ZNF547: variants seen among roughly 807,000 people sequenced by gnomAD.
ZNF547 encodes zinc finger protein 547.
In ZNF547, 4 loss-of-function variants were observed where a neutral mutation model predicts 7.7. The observed-to-expected ratio is 0.52, with a 90% CI of 0.26 to 1.20. ZNF547 has a LOEUF of 1.20. Ranked by LOEUF, ZNF547 falls within the 50% of genes most tolerant of loss-of-function variation. The pLI is 0.14. For missense variants in ZNF547, 449 were observed against 485.8 expected (o/e 0.92, Z 0.71); for synonymous variants, 166 against 166.2 (o/e 1.00, Z 0.01).
chr19:57,365,097 C>T (rs1208835127), intron 1 of ZNF547: 2 of 1,609,500 alleles, frequency 1.2e-6, no homozygotes, highest in African/African-American at 1.3e-5. Context: ...TGCTTCATGA[C>T]ATAAGACAAG....
At position 57,367,057 on chromosome 19, in the gene ZNF547, T is replaced by G. The variant is rs998500129; in HGVS notation, c.-12-1487T>G. 1.1e-4 allele frequency among the ~76,000 whole-genome samples: 17 copies of G among 152,202 alleles called. 1 individual carries two copies. Among genetic ancestry groups the G allele is most frequent in the Non-Finnish European group, 4.4e-5 (3 of 68,038 alleles). ...TGTTGCTTCTGTCACTTTATATTCT[T>G]ATATTTCCTTTCCCTCAGACAATCA... is the stretch of plus-strand genomic sequence containing the variant. On this transcript the variant is annotated intron_variant, in intron 1 of 3. Transcript: ENST00000282282.
chr19:57,376,732 G>T (rs1032077084), intron 3 of ZNF547, among the ~76,000 whole-genome samples: 1 of 152,094 alleles, frequency 6.6e-6, no homozygotes, highest in African/African-American at 2.4e-5. Flanking sequence ...AAACTTATTC[G>T]TGGAGGCCTG....
In ZNF547 at chr19:57,371,801, A is replaced by G. The variant is rs2088506174; in HGVS notation, c.44A>G (p.Asp15Gly). 1 of 1,612,768 alleles carries G rather than the reference A, an allele frequency of 6.2e-7. No homozygotes were observed. Among genetic ancestry groups the G allele is most frequent in the Admixed American group, 1.7e-5 (1 of 59,524 alleles). Reference sequence around the variant, plus strand: ...TGGCAGGGTCATGTGGTTTTTGAAGACGTGGCCATATATTTCTCCCAGGAG... The same window carrying G: ...TGGCAGGGTCATGTGGTTTTTGAAGGCGTGGCCATATATTTCTCCCAGGAG... ...NPAQGHVVFE[D>G]VAIYFSQEEW... is the part of the protein sequence containing the mutation. Residue 15 changes from aspartate to glycine, a missense_variant, in exon 3 of 4, where the codon GAC becomes GGC. Asp to Gly is a moderately conservative substitution (Grantham distance 94). Transcript: ENST00000282282.
intron 3 of ZNF547, among the ~76,000 whole-genome samples, chr19:57,376,245 G>A (rs1313095159): frequency 6.6e-6 from 1 of 152,106 alleles, no homozygotes; most frequent in East Asian, 1.9e-4. Context: ...CCATGATTCG[G>A]TTACCTTCAC....
At chr19:57,365,013 C>G (rs945296192) in intron 1 of ZNF547, 3 of 1,612,468 alleles carry the variant, frequency 1.9e-6, no homozygotes, top group Non-Finnish European at 2.5e-6. Flanking sequence ...ACAACATGTA[C>G]TTGAAAACTG....
intron 1 of ZNF547, among the ~76,000 whole-genome samples, chr19:57,367,208 T>C (rs1324336916): frequency 6.6e-6 from 1 of 152,196 alleles, no homozygotes; most frequent in Non-Finnish European, 1.5e-5. Flanking sequence ...GGGCTGGGAA[T>C]TGTCTGTTTG....
chr19:57,364,846 T>A, intron 1 of ZNF547: 1 of 1,608,212 alleles, frequency 6.2e-7, no homozygotes. Flanking sequence ...GTCTGGAAGC[T>A]TCTACTTTGT....
At chr19:57,368,403 AG>A (rs1338091417) in intron 1 of ZNF547, 140 bp from the exon 2 acceptor site, 1 of 685,340 alleles carries the variant, frequency 1.5e-6, no homozygotes, top group Non-Finnish European at 2.6e-6. Flanking sequence ...AAGAGCCAAC[AG>A]TGAAGTCGGA....
Position 57,377,196 on chromosome 19 carries a change from G to T in ZNF547, c.220G>T (p.Val74Phe). The change falls in exon 4 of 4, where the codon GTC (valine) becomes TTC (phenylalanine). Residue 74 changes from valine to phenylalanine, a missense_variant. By Grantham distance (50) the Val-to-Phe change is conservative. Coordinates refer to ENST00000282282, the MANE Select transcript of ZNF547 (RefSeq NM_173631.4). ...AGGTGTTTCTGTAGGAGTGTCACAG[G>T]TCATGGCTCCAAAGCCCTGTCTATC... ...EPGVSVGVSQVMAPKPCLSTQ... is the reference protein window; with the variant it reads ...EPGVSVGVSQFMAPKPCLSTQ... 6.2e-7 allele frequency: 1 copy of T among 1,614,164 alleles called. No homozygotes were observed. Among genetic ancestry groups the T allele is most frequent in the Non-Finnish European group, 8.5e-7 (1 of 1,180,032 alleles).
At position 57,378,227 on chromosome 19, in the gene ZNF547, C is replaced by G. The variant is rs1369358976; in HGVS notation, c.*42C>G. 1.3e-6 allele frequency: 2 copies of G among 1,550,224 alleles called. No individual in the cohort carries two copies. The highest frequency in any genetic ancestry group is 1.8e-6 in the Non-Finnish European group (2 of 1,140,154). The stretch of plus-strand genomic sequence containing the variant: ...GTGGATATGGGAAAGCCTTCAGTCA[C>G]CAACATATTGTGGCTGGACAGCAGG... On this transcript the variant is annotated 3_prime_UTR_variant, in exon 4 of 4. Coordinates refer to ENST00000282282, the MANE Select transcript of ZNF547 (RefSeq NM_173631.4).
chr19:57,378,017 T>C lies in ZNF547; in HGVS notation c.1041T>C (p.Thr347=). Residue 347 remains threonine, a synonymous_variant, in exon 4 of 4, where the codon ACT becomes ACC. Transcript: ENST00000282282. ...TCATTCAACACCAAAGAGTTCACAC[T>C]GGAGAACGGCCTTATGAATGCAGTG... The part of the protein sequence containing the change: ...SVLIQHQRVH[T]GERPYECSEC... The C allele has an allele frequency of 6.2e-7, 1 of 1,614,206 alleles. No homozygotes were observed. The highest frequency in any genetic ancestry group is 8.5e-7 in the Non-Finnish European group (1 of 1,180,036).
At chr19:57,369,103 T>G (rs899798741) in intron 2 of ZNF547, among the ~76,000 whole-genome samples, 2 of 152,056 alleles carry the variant, frequency 1.3e-5, no homozygotes, top group African/African-American at 4.8e-5. Flanking sequence ...TAAGGAACTT[T>G]CTTTGGCGTC....
chr19:57,364,486 T>TATCATTAAA, intron 1 of ZNF547: 1 of 344,188 alleles, frequency 2.9e-6, no homozygotes, highest in South Asian at 2.9e-5. Context: ...CTCACGCCGG[T>TATCATTAAA]AATCCCAGCA....
rs61547238 is a variant in ZNF547 at position 57,369,899 on chromosome 19, CTTTTTTT to C, written c.24+1338_24+1344del. Among the ~76,000 whole-genome samples, 34 of 51,682 alleles carry C rather than the reference CTTTTTTT, an allele frequency of 6.6e-4. 1 individual carries two copies. Among genetic ancestry groups the C allele is most frequent in the Admixed American group, 3.6e-3 (11 of 3,086 alleles). 33.9% of individuals were successfully genotyped at this position (51,682 alleles called of 152,430 possible). A position where few individuals can be genotyped will look rare whatever the true frequency, so the allele number is the denominator to read the frequency against. ...AAAGAAGTTTAATTGACTCACAGTT[CTTTTTTT>C]TTTTTTTTTTTTTTTTTGAGATGTG... On this transcript the variant is annotated intron_variant, in intron 2 of 3. Transcript: ENST00000282282.
Position 57,374,723 on chromosome 19 carries a change from G to A in ZNF547, c.152-2405G>A, listed in dbSNP as rs766482090. Among the ~76,000 whole-genome samples the A allele has an allele frequency of 2.2e-4, 33 of 152,192 alleles. 1 individual carries two copies. The highest frequency in any genetic ancestry group is 1.3e-4 in the Non-Finnish European group (9 of 68,032). On this transcript the variant is annotated intron_variant, in intron 3 of 3. Transcript: ENST00000282282. ...AAAGTTCCACAGATATGTAGGGCAG[G>A]GGCAAGAAGCTGCCATTCTCTTTGC...
chr19:57,378,998 T>C lies in ZNF547; in HGVS notation c.*813T>C, dbSNP rs1182808764. 1.2e-5 allele frequency: 2 copies of C among 173,356 alleles called. No individual in the cohort carries two copies. The highest frequency in any genetic ancestry group is 2.5e-5 in the Non-Finnish European group (2 of 80,996). 10.7% of individuals were successfully genotyped at this position (173,356 alleles called of 1,614,324 possible). ...TAATATCCTCAAAGTTCATTCATTT[T>C]TTAGCATGTGTCAGAAATTTTAAGG... On this transcript the variant is annotated 3_prime_UTR_variant, in exon 4 of 4. Coordinates refer to ENST00000282282, the MANE Select transcript of ZNF547 (RefSeq NM_173631.4).
Position 57,377,546 on chromosome 19 carries a change from G to A in ZNF547, c.570G>A (p.Gly190=). The part of the protein sequence containing the change: ...GERTYKCSKC[G]ILFMERSTLN... The stretch of plus-strand genomic sequence containing the variant: ...GAACTTATAAGTGCAGCAAATGTGG[G>A]ATATTGTTTATGGAAAGGTCCACAC... Residue 190 remains glycine, a synonymous_variant, in exon 4 of 4, where the codon GGG becomes GGA. Transcript: ENST00000282282. 5.6e-6 allele frequency: 9 copies of A among 1,614,194 alleles called. No homozygotes were observed. The highest frequency in any genetic ancestry group is 7.6e-6 in the Non-Finnish European group (9 of 1,180,046).
rs895335223 is a variant in ZNF547 at position 57,368,484 on chromosome 19, A to G, written c.-12-60A>G. The G allele has an allele frequency of 3.3e-6, 5 of 1,535,750 alleles. No homozygotes were observed. The African/African-American group carries it at 5.5e-5, about 17-fold the overall frequency. On this transcript the variant is annotated intron_variant, in intron 1 of 3. Transcript: ENST00000282282. ...GTAAGGAAGAAGAGATGGTGGTCCA[A>G]CTCTGCCTGTAAGATCTTCCCATCG...
chr19:57,373,800 T>C (rs1217973752), intron 3 of ZNF547, among the ~76,000 whole-genome samples: 1 of 152,168 alleles, frequency 6.6e-6, no homozygotes, highest in Non-Finnish European at 1.5e-5. Context: ...AGTGATGCAA[T>C]AGGTGGGCTC....
Sources: allele counts gnomAD v4.1 joint callset (sites outside exome capture counted in the v4.1 genomes callset), GRCh38; gene constraint gnomAD v4.1.1; transcripts MANE v1.5; gene names NCBI Gene and HGNC (gene_info 2026-07-23, HGNC 2026-07-21).